Variants in LGR6 observed in about 807,000 individuals in gnomAD.
LGR6 encodes the protein leucine-rich repeat-containing G protein-coupled receptor 6.
In LGR6, 45 loss-of-function variants were observed where a neutral mutation model predicts 69.4. The observed-to-expected ratio is 0.65, with a 90% CI of 0.51 to 0.83. The LOEUF (loss-of-function observed/expected upper bound fraction) is 0.83, where lower values mean the gene tolerates loss of function less well. Ranked by LOEUF, LGR6 falls within the 40% of genes least tolerant of loss-of-function variation. The pLI is 0.00. For synonymous variants in LGR6, 538 were observed against 555.0 expected (o/e 0.97, Z 0.43); for missense variants, 1,108 against 1,246.7 (o/e 0.89, Z 1.68).
chr1:202,273,461 GTTT>G (rs747952963), intron 4 of LGR6, among the ~76,000 whole-genome samples: 1 of 141,004 alleles, frequency 7.1e-6, no homozygotes, highest in African/African-American at 2.6e-5. Context: ...GTTTTTTTTT[GTTT>G]TTTTTTTTTT....
intron 1 of LGR6, among the ~76,000 whole-genome samples, chr1:202,211,937 G>T (rs1388087066): frequency 6.6e-6 from 1 of 152,128 alleles, no homozygotes; most frequent in Non-Finnish European, 1.5e-5. Flanking sequence ...GCATTATTTT[G>T]CATCTGGCTT....
chr1:202,265,512 G>T (rs1465714327), intron 4 of LGR6, among the ~76,000 whole-genome samples: 1 of 152,236 alleles, frequency 6.6e-6, no homozygotes, highest in African/African-American at 2.4e-5. Flanking sequence ...GCCCCCCATT[G>T]CACTGTATGT....
chr1:202,216,496 T>C (rs1659792506), intron 1 of LGR6, among the ~76,000 whole-genome samples: 1 of 152,260 alleles, frequency 6.6e-6, no homozygotes, highest in Non-Finnish European at 1.5e-5. Context: ...ATGTGGCTAT[T>C]GAGCCTTGAA....
chr1:202,213,290 G>A (rs936753672), intron 1 of LGR6, among the ~76,000 whole-genome samples: 4 of 152,074 alleles, frequency 2.6e-5, no homozygotes, highest in Admixed American at 6.5e-5. Context: ...CTGTTACTTC[G>A]TCCCAGGGCC....
intron 1 of LGR6, among the ~76,000 whole-genome samples, chr1:202,212,638 G>A (rs546805806): frequency 5.9e-5 from 9 of 152,186 alleles, no homozygotes; most frequent in Admixed American, 2.0e-4. Context: ...TGAGCTCTGC[G>A]TGTCTACACA....
chr1:202,226,183 G>C (rs1273372530), intron 2 of LGR6, among the ~76,000 whole-genome samples: 1 of 152,144 alleles, frequency 6.6e-6, no homozygotes, highest in Non-Finnish European at 1.5e-5. Context: ...TCCTGGATTA[G>C]AGTGACTGGA....
intron 1 of LGR6, among the ~76,000 whole-genome samples, chr1:202,195,183 G>C (rs944883907): frequency 4.0e-5 from 6 of 149,016 alleles, no homozygotes; most frequent in Admixed American, 2.0e-4. Flanking sequence ...AGCCTGGTGG[G>C]GCCTTCTGCT....
At chr1:202,288,585 T>A (rs964650221) in intron 6 of LGR6, among the ~76,000 whole-genome samples, 1 of 152,150 alleles carries the variant, frequency 6.6e-6, no homozygotes, top group Non-Finnish European at 1.5e-5. Context: ...CCAGCTGCAG[T>A]CACATCTATA....
At chr1:202,238,557 G>A (rs1340211443) in intron 4 of LGR6, among the ~76,000 whole-genome samples, 1 of 151,692 alleles carries the variant, frequency 6.6e-6, no homozygotes, top group African/African-American at 2.4e-5. Flanking sequence ...CCAAGTAGCT[G>A]GGACTACAGG....
intron 10 of LGR6, 137 bp downstream of exon 10, chr1:202,303,484 C>T (rs941522517): frequency 4.4e-6 from 3 of 682,408 alleles, no homozygotes; most frequent in Non-Finnish European, 7.8e-6. Context: ...CTGGCTCCAT[C>T]CCCTTCCTCC....
At chr1:202,213,536 G>T (rs1558008755) in intron 1 of LGR6, among the ~76,000 whole-genome samples, 1 of 152,220 alleles carries the variant, frequency 6.6e-6, no homozygotes, top group Non-Finnish European at 1.5e-5. Flanking sequence ...CCTCCTAAGG[G>T]CAGGGCTGAC....
chr1:202,210,667 C>T (rs1659430026), intron 1 of LGR6: 1 of 152,242 alleles, frequency 6.6e-6, no homozygotes, highest in African/African-American at 2.4e-5. Context: ...TAGAGTGAGA[C>T]ATCTGTTCTA....
intron 16 of LGR6, among the ~76,000 whole-genome samples, chr1:202,311,003 C>T (rs1189230828): frequency 2.6e-5 from 4 of 151,936 alleles, no homozygotes; most frequent in African/African-American, 9.7e-5. Context: ...GTAAAAGGCA[C>T]ATGTTGGAGG....
intron 1 of LGR6, chr1:202,203,629 T>C (rs1658912494): frequency 3.3e-6 from 2 of 605,990 alleles, no homozygotes; most frequent in African/African-American, 3.7e-5. Flanking sequence ...CCTGGAGCCT[T>C]GGAGAGAGAG....
At chr1:202,266,907 C>T (rs1349048290) in intron 4 of LGR6, among the ~76,000 whole-genome samples, 1 of 151,790 alleles carries the variant, frequency 6.6e-6, no homozygotes, top group East Asian at 1.9e-4. Flanking sequence ...AACGCGCGCA[C>T]ACACACACAC....
chr1:202,210,705 C>T (rs1219008187), intron 1 of LGR6: 1 of 152,212 alleles, frequency 6.6e-6, no homozygotes, highest in Non-Finnish European at 1.5e-5. Context: ...AAGCTTTTGC[C>T]TTTCCTATTC....
rs148320351 is a variant in LGR6 at position 202,227,954 on chromosome 1, T to A, written c.303T>A (p.His101Gln). The A allele has an allele frequency of 6.2e-7, 1 of 1,613,846 alleles. No homozygotes were observed. Among genetic ancestry groups the A allele is most frequent in the African/African-American group, 1.3e-5 (1 of 75,002 alleles). ...FLEELRLSGN[H>Q]LSHIPGQAFS... Reference sequence around the variant, plus strand: ...TTTCCAGGCGTCTCTCTGGGAACCATCTCTCACACATCCCAGGACAAGCAT... The same window carrying A: ...TTTCCAGGCGTCTCTCTGGGAACCAACTCTCACACATCCCAGGACAAGCAT... Residue 101 changes from histidine (H) to glutamine (Q), a missense_variant, in exon 3 of 18, where the codon CAT becomes CAA. Physicochemically the swap from His to Gln is conservative, Grantham distance 24 (BLOSUM62 0). Coordinates refer to ENST00000367278, the MANE Select transcript of LGR6 (RefSeq NM_001017403.2).
chr1:202,203,387 G>C (rs1231960740), intron 1 of LGR6, among the ~76,000 whole-genome samples: 1 of 152,152 alleles, frequency 6.6e-6, no homozygotes, highest in Non-Finnish European at 1.5e-5. Context: ...AGCGCAGTTC[G>C]GTAGAGTGTA....
chr1:202,238,258 C>T lies in LGR6; in HGVS notation c.428+2265C>T, dbSNP rs924802793. Among the ~76,000 whole-genome samples the T allele has an allele frequency of 2.0e-4, 31 of 151,734 alleles. 1 individual carries two copies. Among genetic ancestry groups the T allele is most frequent in the African/African-American group, 7.5e-4 (31 of 41,372 alleles). On this transcript the variant is annotated intron_variant, in intron 4 of 17. Coordinates refer to ENST00000367278, the MANE Select transcript of LGR6 (RefSeq NM_001017403.2). ...CTATAGGTGTGCACTACCACGCCAA[C>T]TAATTTTTGTATTTTTTTGTAGAGA...
Sources: allele counts gnomAD v4.1 joint callset (sites outside exome capture counted in the v4.1 genomes callset), GRCh38; gene constraint gnomAD v4.1.1; transcripts MANE v1.5; gene names NCBI Gene and HGNC (gene_info 2026-07-23, HGNC 2026-07-21).